Variants in NEBL observed in about 807,000 individuals in gnomAD.
The protein encoded by NEBL is nebulette.
A neutral mutation model predicts 140.2 loss-of-function variants in NEBL; 122 were observed. That is an observed-to-expected ratio of 0.87 (90% CI 0.75 to 1.01). The LOEUF is 1.01. Among genes scored for constraint, NEBL ranks in the 50% least tolerant of loss-of-function variants. The probability of loss-of-function intolerance (pLI) is 0.00; values close to 1 mark genes in which losing one functional copy is unlikely to be tolerated. For missense variants in NEBL, 1,365 were observed against 1,231.3 expected, an observed-to-expected ratio of 1.11 and a Z score of -1.62; for synonymous variants, 436 against 398.9, an observed-to-expected ratio of 1.09 and a Z score of -1.11.
At chr10:21,072,747 TTGGGAGGCTGAGGCCGGTG>T (rs1835877543) in intron 2 of NEBL, among the ~76,000 whole-genome samples, 1 of 152,048 alleles carries the variant, frequency 6.6e-6, no homozygotes, top group Non-Finnish European at 1.5e-5. Flanking sequence ...TCCCAGTACT[TTGGGAGGCTGAGGCCGGTG>T]GATAACTTGA....
chr10:20,919,201 T>C (rs1276407997), intron 4 of NEBL, among the ~76,000 whole-genome samples: 1 of 152,180 alleles, frequency 6.6e-6, no homozygotes, highest in African/African-American at 2.4e-5. Flanking sequence ...GAGATTAGTC[T>C]CTCATGATTT....
chr10:20,893,098 C>A (rs924805454), intron 2 of NEBL, among the ~76,000 whole-genome samples: 1 of 152,184 alleles, frequency 6.6e-6, no homozygotes, highest in African/African-American at 2.4e-5. Flanking sequence ...CCCTAAACAG[C>A]CTTGAACTAA....
At chr10:20,955,911 C>CAAAAA (rs11388003) in intron 4 of NEBL, among the ~76,000 whole-genome samples, 1 of 140,426 alleles carries the variant, frequency 7.1e-6, no homozygotes, top group African/African-American at 2.6e-5. Flanking sequence ...TCTCTTGTTT[C>CAAAAA]AAAAAAAAAA....
chr10:20,924,511 G>C (rs1833779918), intron 4 of NEBL, among the ~76,000 whole-genome samples: 2 of 120,658 alleles, frequency 1.7e-5, no homozygotes, highest in South Asian at 5.6e-4. Flanking sequence ...GCAATACAGA[G>C]AGTATCTTGT....
rs1051040194 is a variant in NEBL, at chr10:20,780,008, T to A, written c.*5739A>T. ...GTGTTTATTCTACGAGCAGATGTCA[T>A]CCGCAAAGTTTATCAATTTACAATT... is the stretch of plus-strand genomic sequence containing the variant. On this transcript the variant is annotated 3_prime_UTR_variant, in exon 28 of 28. Coordinates refer to ENST00000377122, the MANE Select transcript of NEBL (RefSeq NM_006393.3). 6.6e-6 allele frequency: 1 copy of A among 152,190 alleles called. No homozygotes were observed. The highest frequency in any genetic ancestry group is 1.5e-5 in the Non-Finnish European group (1 of 68,032). 9.4% of individuals were successfully genotyped at this position (152,190 alleles called of 1,614,324 possible).
At chr10:20,960,264 T>C (rs1035245011) in intron 4 of NEBL, among the ~76,000 whole-genome samples, 1 of 152,130 alleles carries the variant, frequency 6.6e-6, no homozygotes, top group Non-Finnish European at 1.5e-5. Context: ...AGAACTGTTA[T>C]TAAATGTAAC....
chr10:21,187,414 G>A (rs946473164), intron 3 of NEBL, among the ~76,000 whole-genome samples: 30 of 152,154 alleles, frequency 2.0e-4, no homozygotes, highest in African/African-American at 4.1e-4. Context: ...ACGTTTTGTC[G>A]AACCCGATCA....
At chr10:21,151,198 T>C (rs1840121570) in intron 2 of NEBL, among the ~76,000 whole-genome samples, 1 of 152,172 alleles carries the variant, frequency 6.6e-6, no homozygotes, top group Non-Finnish European at 1.5e-5. Flanking sequence ...ACAAAAGATA[T>C]GTCTTTGCAC....
At position 20,941,324 on chromosome 10, in the gene NEBL, A is replaced by C. The variant is rs181631026; in HGVS notation, c.357+20348T>G. ...CGTAATCCAGCATAAACAGAACCAA[A>C]GACAAAAACCACATGATTATCTCAA... On this transcript the variant is annotated intron_variant, in intron 4 of 6. Transcript: ENST00000417816. Among the ~76,000 whole-genome samples the C allele has an allele frequency of 5.0e-3, 760 of 152,340 alleles. 5 individuals carry two copies. The highest frequency in any genetic ancestry group is 0.027 in the Middle Eastern group (8 of 294).
At chr10:20,881,358 A>T (rs1226437100) in intron 4 of NEBL, among the ~76,000 whole-genome samples, 1 of 152,194 alleles carries the variant, frequency 6.6e-6, no homozygotes, top group African/African-American at 2.4e-5. Context: ...TAAGTGCACA[A>T]ACCTTTGGGA....
chr10:21,162,622 A>C (rs766116900), intron 2 of NEBL, among the ~76,000 whole-genome samples: 1 of 152,128 alleles, frequency 6.6e-6, no homozygotes. Flanking sequence ...GCCTATCCCA[A>C]CTCACCTCCC....
chr10:20,911,387 G>A (rs770073809), intron 4 of NEBL, among the ~76,000 whole-genome samples: 14 of 152,032 alleles, frequency 9.2e-5, no homozygotes, highest in South Asian at 2.1e-4. Context: ...GTATATACCC[G>A]TTGTGAGCAT....
chr10:20,984,082 G>A (rs1038146142), intron 3 of NEBL, among the ~76,000 whole-genome samples: 20 of 149,180 alleles, frequency 1.3e-4, no homozygotes, highest in African/African-American at 4.7e-4. Context: ...TAATAATGAA[G>A]TTTTGCAGGC....
chr10:21,145,489 T>A (rs1456919029), intron 2 of NEBL, among the ~76,000 whole-genome samples: 1 of 152,244 alleles, frequency 6.6e-6, no homozygotes. Flanking sequence ...ACTAGAATAG[T>A]GCCTGACACT....
intron 22 of NEBL, among the ~76,000 whole-genome samples, chr10:20,814,942 G>T (rs927265228): frequency 3.3e-5 from 5 of 152,120 alleles, no homozygotes; most frequent in African/African-American, 1.2e-4. Flanking sequence ...TGATTCTCAG[G>T]CAAACAGCTA....
chr10:20,877,752 T>C (rs572215253), intron 5 of NEBL, among the ~76,000 whole-genome samples: 1 of 152,286 alleles, frequency 6.6e-6, no homozygotes, highest in African/African-American at 2.4e-5. Flanking sequence ...TTGCAGTCTA[T>C]GTAGAAAGTC....
At chr10:21,259,064 G>T (rs943285982) in intron 1 of NEBL, among the ~76,000 whole-genome samples, 1 of 148,562 alleles carries the variant, frequency 6.7e-6, no homozygotes, top group African/African-American at 2.5e-5. Flanking sequence ...AAAAAAAGAC[G>T]CACAGTCTTT....
intron 3 of NEBL, among the ~76,000 whole-genome samples, chr10:20,997,988 A>G (rs562616611): frequency 7.9e-5 from 12 of 152,344 alleles, no homozygotes; most frequent in Middle Eastern, 3.4e-3. Context: ...ATGAAAATCA[A>G]ATGGAGCCAA....
chr10:20,952,812 C>T (rs1488560460), intron 4 of NEBL, among the ~76,000 whole-genome samples: 2 of 142,746 alleles, frequency 1.4e-5, no homozygotes, highest in South Asian at 2.2e-4. Flanking sequence ...CACTGAGGCA[C>T]GAGAATTACT....
Sources: allele counts gnomAD v4.1 joint callset (sites outside exome capture counted in the v4.1 genomes callset), GRCh38; gene constraint gnomAD v4.1.1; transcripts MANE v1.5; gene names NCBI Gene and HGNC (gene_info 2026-07-23, HGNC 2026-07-21).